CABLES1: variants seen among roughly 807,000 people sequenced by gnomAD.
CABLES1 encodes Cdk5 and Abl enzyme substrate 1.
CABLES1 carries 36 observed loss-of-function variants against 57.8 expected under a neutral mutation model. The ratio of observed to expected loss-of-function variants is 0.62; its 90% CI spans 0.48 to 0.82. CABLES1 has a LOEUF of 0.82. CABLES1 is among the 40% of genes least tolerant of loss of function. The pLI, the probability that CABLES1 is intolerant of heterozygous loss-of-function variation, is 0.00. For missense variants in CABLES1, 767 were observed against 836.6 expected (o/e 0.92, Z 1.03); for synonymous variants, 374 against 363.0 (o/e 1.03, Z -0.35).
intron 1 of CABLES1, among the ~76,000 whole-genome samples, chr18:23,142,708 A>G (rs920586402): frequency 2.0e-5 from 3 of 152,198 alleles, no homozygotes; most frequent in Non-Finnish European, 2.9e-5. Flanking sequence ...GGCATAAAAC[A>G]TGGTCCCTGT....
chr18:23,200,852 TC>T (rs1460510452), intron 3 of CABLES1, among the ~76,000 whole-genome samples: 1 of 152,232 alleles, frequency 6.6e-6, no homozygotes, highest in Non-Finnish European at 1.5e-5. Context: ...AGCTGGAGTT[TC>T]TGCAGGTGGC....
chr18:23,154,067 T>G (rs2046950262), intron 1 of CABLES1, among the ~76,000 whole-genome samples: 1 of 152,216 alleles, frequency 6.6e-6, no homozygotes, highest in African/African-American at 2.4e-5. Context: ...AGATTTCATT[T>G]ATTCAATTTC....
intron 7 of CABLES1, 64 bp downstream of exon 7, chr18:23,237,309 C>A (rs2289013): frequency 0.04 from 44,475 of 1,116,208 alleles, 3,307 homozygotes; most frequent in Admixed American, 0.25. Flanking sequence ...GGGTTGGTGG[C>A]CGGCTGGGGG....
At chr18:23,153,462 A>C (rs1470246183) in intron 1 of CABLES1, among the ~76,000 whole-genome samples, 1 of 152,044 alleles carries the variant, frequency 6.6e-6, no homozygotes, top group African/African-American at 2.4e-5. Context: ...GGCTGGGTGC[A>C]GTGGCTCATG....
At chr18:23,208,171 G>A (rs2047378014) in intron 3 of CABLES1, among the ~76,000 whole-genome samples, 1 of 152,152 alleles carries the variant, frequency 6.6e-6, no homozygotes, top group East Asian at 1.9e-4. Context: ...TCCGGCCCTG[G>A]ATTAGCATCT....
At chr18:23,235,275 G>A (rs1464693369) in intron 5 of CABLES1, among the ~76,000 whole-genome samples, 1 of 152,248 alleles carries the variant, frequency 6.6e-6, no homozygotes, top group Non-Finnish European at 1.5e-5. Context: ...TGACGCAAGT[G>A]TTTCTTGGGG....
At chr18:23,240,738 A>G (rs553936103) in intron 7 of CABLES1, among the ~76,000 whole-genome samples, 8 of 152,172 alleles carry the variant, frequency 5.3e-5, no homozygotes, top group African/African-American at 2.4e-5. Flanking sequence ...GGGCAGTCCA[A>G]TGTGGCCAGC....
At chr18:23,254,064 C>A in intron 9 of CABLES1, 128 bp downstream of exon 9, 1 of 730,864 alleles carries the variant, frequency 1.4e-6, no homozygotes, top group Non-Finnish European at 2.3e-6. Context: ...GAGGTGAAGG[C>A]TATGAAGTCT....
chr18:23,226,124 C>A (rs2047525396), intron 4 of CABLES1, among the ~76,000 whole-genome samples: 1 of 152,222 alleles, frequency 6.6e-6, no homozygotes, highest in African/African-American at 2.4e-5. Context: ...TGTTACTCAG[C>A]TGGGCACAGT....
intron 7 of CABLES1, 71 bp from the exon 8 acceptor site, chr18:23,252,889 G>T: frequency 9.8e-7 from 1 of 1,020,792 alleles, no homozygotes; most frequent in East Asian, 2.5e-5. Context: ...TAAGTTGGTC[G>T]TAGTTGGTGC....
chr18:23,209,212 A>G (rs1285510016), intron 3 of CABLES1, among the ~76,000 whole-genome samples: 1 of 152,240 alleles, frequency 6.6e-6, no homozygotes, highest in Non-Finnish European at 1.5e-5. Flanking sequence ...TTGGTCCAGC[A>G]TATCTACATG....
At chr18:23,153,437 A>C (rs946668534) in intron 1 of CABLES1, among the ~76,000 whole-genome samples, 2 of 151,904 alleles carry the variant, frequency 1.3e-5, no homozygotes, top group Non-Finnish European at 2.9e-5. Flanking sequence ...CAACAATTTA[A>C]AAAAAATAGG....
At chr18:23,182,484 G>T (rs142547031) in intron 1 of CABLES1, among the ~76,000 whole-genome samples, 1 of 152,148 alleles carries the variant, frequency 6.6e-6, no homozygotes, top group South Asian at 2.1e-4. Flanking sequence ...GGACTCAACT[G>T]TACTTCTCAC....
At position 23,139,504 on chromosome 18, in the gene CABLES1, A is replaced by C. The variant is rs1004057390; in HGVS notation, c.845+2897A>C. 3.3e-5 allele frequency among the ~76,000 whole-genome samples: 5 copies of C among 152,172 alleles called. No homozygotes were observed. In the East Asian group the frequency reaches 9.6e-4, roughly 29 times the overall value. ...TTGGAACACTTGTAAAACCAATCAC[A>C]AATAATTGCTTGGACTTCCAAACTT... On this transcript the variant is annotated intron_variant, in intron 1 of 9. Transcript: ENST00000256925.
Position 23,174,568 on chromosome 18 carries a change from T to A in CABLES1, c.846-14270T>A, listed in dbSNP as rs181376790. 5.4e-3 allele frequency among the ~76,000 whole-genome samples: 823 copies of A among 151,616 alleles called. 7 individuals carry two copies. Among genetic ancestry groups the A allele is most frequent in the East Asian group, 0.029 (151 of 5,150 alleles). ...TTCACTGCAAGCTCCACCTCCCGGGTTCACGCCATTCTCCTGCCTCAGCCT... is the reference window on the plus strand; with the variant it reads ...TTCACTGCAAGCTCCACCTCCCGGGATCACGCCATTCTCCTGCCTCAGCCT... On this transcript the variant is annotated intron_variant, in intron 1 of 9. Transcript: ENST00000256925.
Position 23,149,221 on chromosome 18 carries a change from G to A in CABLES1, c.845+12614G>A, listed in dbSNP as rs1447569020. On this transcript the variant is annotated intron_variant, in intron 1 of 9. Coordinates refer to ENST00000256925, the MANE Select transcript of CABLES1 (RefSeq NM_001100619.3). ...ATGCTTTTTGTTTTTAACCCCTTTG[G>A]CATCCTAATTGTCTCTTCAGATAAA... Among the ~76,000 whole-genome samples, 3 of 151,944 alleles carry A rather than the reference G, an allele frequency of 2.0e-5. No homozygotes were observed. In the East Asian group the frequency reaches 5.8e-4, roughly 30 times the overall value.
chr18:23,169,236 C>G (rs911347050), intron 1 of CABLES1, among the ~76,000 whole-genome samples: 1 of 152,146 alleles, frequency 6.6e-6, no homozygotes, highest in Non-Finnish European at 1.5e-5. Context: ...CAAGAAATAA[C>G]CATAAAAATG....
intron 1 of CABLES1, among the ~76,000 whole-genome samples, chr18:23,143,676 C>A (rs1424494215): frequency 2.0e-5 from 3 of 152,206 alleles, no homozygotes; most frequent in African/African-American, 7.2e-5. Context: ...GGTTGTGCTT[C>A]CCCCACCCTA....
At chr18:23,229,704 C>G (rs1266199144) in intron 4 of CABLES1, among the ~76,000 whole-genome samples, 3 of 152,230 alleles carry the variant, frequency 2.0e-5, no homozygotes, top group Non-Finnish European at 4.4e-5. Flanking sequence ...TTCTTTCTCA[C>G]TGGAGTTTTT....
Sources: allele counts gnomAD v4.1 joint callset (sites outside exome capture counted in the v4.1 genomes callset), GRCh38; gene constraint gnomAD v4.1.1; transcripts MANE v1.5; gene names NCBI Gene and HGNC (gene_info 2026-07-23, HGNC 2026-07-21).